The following WDR49 variants were observed in gnomAD, a reference collection of about 807,000 sequenced individuals.
WDR49 encodes WD repeat domain 49, also known as cilia- and flagella-associated protein 337.
WDR49 carries 107 observed loss-of-function variants against 119.5 expected under a neutral mutation model. The ratio of observed to expected loss-of-function variants is 0.90; its 90% CI spans 0.77 to 1.05. The LOEUF is 1.05. WDR49 is among the 50% of genes least tolerant of loss of function. The pLI, the probability that WDR49 is intolerant of heterozygous loss-of-function variation, is 0.00. For missense variants in WDR49, 1,240 were observed against 1,220.5 expected, an observed-to-expected ratio of 1.02 and a Z score of -0.24; for synonymous variants, 425 against 418.8, an observed-to-expected ratio of 1.01 and a Z score of -0.18.
At chr3:167,580,481 G>T (rs772241202) in intron 7 of WDR49, among the ~76,000 whole-genome samples, 1 of 152,134 alleles carries the variant, frequency 6.6e-6, no homozygotes, top group Non-Finnish European at 1.5e-5. Flanking sequence ...TGAGGATGGG[G>T]CTCAGACATT....
At chr3:167,596,420 C>A (rs1252043337) in intron 7 of WDR49, among the ~76,000 whole-genome samples, 1 of 151,690 alleles carries the variant, frequency 6.6e-6, no homozygotes, top group South Asian at 2.1e-4. Flanking sequence ...CACATGCACA[C>A]GTATGTTTAC....
At chr3:167,599,458 G>A (rs1715653735) in intron 7 of WDR49, among the ~76,000 whole-genome samples, 1 of 152,088 alleles carries the variant, frequency 6.6e-6, no homozygotes, top group Admixed American at 6.6e-5. Flanking sequence ...AGTCGGCCAA[G>A]CCTGAGACTC....
intron 2 of WDR49, among the ~76,000 whole-genome samples, chr3:167,637,376 T>C (rs1159069424): frequency 1.3e-5 from 2 of 152,028 alleles, no homozygotes; most frequent in Non-Finnish European, 2.9e-5. Flanking sequence ...ACAAGTACCA[T>C]GCTGTTTTGG....
rs377758411 is a variant in WDR49, at chr3:167,562,334, C to G, written c.1510-2106G>C. ...GAGATTCTCAACTAACAAAATAGTT[C>G]TGGGGGTACAAAGGAGGGGAGCAAC... is the stretch of plus-strand genomic sequence containing the variant. On this transcript the variant is annotated intron_variant, in intron 8 of 18. Transcript: ENST00000682715. Among the ~76,000 whole-genome samples the G allele has an allele frequency of 1.2e-4, 18 of 152,196 alleles. No homozygotes were observed. In the East Asian group the frequency reaches 2.9e-3, roughly 25 times the overall value.
Position 167,546,690 on chromosome 3 carries a change from G to A in WDR49, c.1823+7960C>T, listed in dbSNP as rs116569736. Among the ~76,000 whole-genome samples the A allele has an allele frequency of 2.8e-3, 378 of 137,050 alleles. 1 individual carries two copies. Among genetic ancestry groups the A allele is most frequent in the African/African-American group, 9.9e-3 (355 of 35,796 alleles). The allele number at this position is 137,050 out of a possible 152,430, so 89.9% of individuals were successfully genotyped here. ...AACAAAATTAGTTTACCTGTCAAGT[G>A]CAAAAAAAAAAAAAAAGAAAAATAT... On this transcript the variant is annotated intron_variant, in intron 10 of 18. Transcript: ENST00000682715.
At chr3:167,522,807 C>G (rs1752501210) in intron 15 of WDR49, among the ~76,000 whole-genome samples, 1 of 152,108 alleles carries the variant, frequency 6.6e-6, no homozygotes, top group South Asian at 2.1e-4. Context: ...TTACTAAAAA[C>G]AAAACAAAGC....
intron 17 of WDR49, among the ~76,000 whole-genome samples, chr3:167,504,720 C>T (rs536012277): frequency 6.6e-6 from 1 of 152,150 alleles, no homozygotes; most frequent in South Asian, 2.1e-4. Flanking sequence ...AATGATATAG[C>T]CTGGATATTT....
chr3:167,575,877 G>A (rs376982402), intron 8 of WDR49, 41 bp downstream of exon 8: 2 of 1,588,946 alleles, frequency 1.3e-6, no homozygotes, highest in Non-Finnish European at 1.7e-6. Context: ...TCTGGACTTG[G>A]AGATATGTTA....
rs372396573 is a variant in WDR49, at chr3:167,529,126, T to C, written c.2332A>G (p.Met778Val). ...LAHSGVGSIIMSTDKMNRYLT... is the reference protein window; with the variant it reads ...LAHSGVGSIIVSTDKMNRYLT... ...TATCGATTCATCTTATCAGTAGACA[T>C]AATAATCGATCCAACTCCACTATGA... Residue 778 changes from methionine to valine, a missense_variant, in exon 14 of 19, where the codon ATG (methionine) becomes GTG (valine). Met to Val is a conservative substitution (Grantham distance 21, BLOSUM62 1). Transcript: ENST00000682715. The C allele has an allele frequency of 1.2e-5, 19 of 1,611,804 alleles. No homozygotes were observed. The highest frequency in any genetic ancestry group is 1.5e-5 in the Non-Finnish European group (18 of 1,179,174).
intron 10 of WDR49, among the ~76,000 whole-genome samples, chr3:167,554,178 G>A (rs946382913): frequency 6.6e-6 from 1 of 152,074 alleles, no homozygotes; most frequent in African/African-American, 2.4e-5. Flanking sequence ...TGGAAGAAAT[G>A]CTCCTCGAGA....
At chr3:167,571,987 C>T (rs1488949271) in intron 8 of WDR49, among the ~76,000 whole-genome samples, 3 of 152,140 alleles carry the variant, frequency 2.0e-5, no homozygotes, top group African/African-American at 2.4e-5. Flanking sequence ...ATAGTGATAA[C>T]ACAAGTATAT....
chr3:167,487,868 A>ATTTT (rs1750984737), intron 18 of WDR49, among the ~76,000 whole-genome samples: 1 of 152,090 alleles, frequency 6.6e-6, no homozygotes, highest in Non-Finnish European at 1.5e-5. Flanking sequence ...TTAAGTCAAA[A>ATTTT]AACAACAGAT....
At chr3:167,624,316 G>C (rs1717017829) in intron 3 of WDR49, among the ~76,000 whole-genome samples, 1 of 149,898 alleles carries the variant, frequency 6.7e-6, no homozygotes, top group African/African-American at 2.5e-5. Flanking sequence ...CTCAAAACGT[G>C]GATAATTCTC....
At chr3:167,486,441 T>C (rs1750919231) in intron 18 of WDR49, among the ~76,000 whole-genome samples, 1 of 152,040 alleles carries the variant, frequency 6.6e-6, no homozygotes, top group African/African-American at 2.4e-5. Context: ...AACACCTTAC[T>C]TAAAAGACAT....
intron 7 of WDR49, among the ~76,000 whole-genome samples, chr3:167,589,882 A>C (rs1367262478): frequency 6.6e-6 from 1 of 151,988 alleles, no homozygotes. Flanking sequence ...TGCTTTCTTC[A>C]TTTCCAATTT....
Position 167,527,699 on chromosome 3 carries a change from G to C in WDR49, c.2604+121C>G, listed in dbSNP as rs144856547. ...CGCCTGGAGCTACTGCTTCGGAAAT[G>C]TTGTCAGTTCTTTCATGACTAATGA... On this transcript the variant is annotated intron_variant, in intron 15 of 18. Transcript: ENST00000682715. The C allele has an allele frequency of 4.6e-4, 483 of 1,047,960 alleles. 2 individuals carry two copies. The East Asian group carries it at 0.012, about 26-fold the overall frequency. The allele number at this position is 1,047,960 out of a possible 1,614,324, so 64.9% of individuals were successfully genotyped here.
intron 8 of WDR49, among the ~76,000 whole-genome samples, chr3:167,572,237 A>G (rs1039097490): frequency 1.3e-5 from 2 of 152,202 alleles, no homozygotes; most frequent in African/African-American, 4.8e-5. Context: ...TTGCCAGGTG[A>G]AATAAAGTAT....
At chr3:167,656,629 G>A (rs370919815), upstream of WDR49, among the ~76,000 whole-genome samples, 5 of 152,272 alleles carry the variant, frequency 3.3e-5, no homozygotes, top group South Asian at 8.3e-4. Context: ...TACAGTAGAA[G>A]TTAATCAATT....
intron 2 of WDR49, among the ~76,000 whole-genome samples, chr3:167,652,561 T>G (rs1718436943): frequency 6.6e-6 from 1 of 152,222 alleles, no homozygotes; most frequent in Admixed American, 6.5e-5. Flanking sequence ...AAAACCACTT[T>G]GATGTATGCT....
Sources: gnomAD v4.1 joint callset for allele counts (sites outside exome capture counted in the v4.1 genomes callset) on GRCh38, gnomAD v4.1.1 for gene constraint, MANE v1.5 for transcripts, NCBI Gene and HGNC (gene_info 2026-07-23, HGNC 2026-07-21) for gene names.